The following TTLL9 variants were observed in gnomAD, a reference collection of about 807,000 sequenced individuals.
TTLL9 encodes the protein tubulin tyrosine ligase like 9, also known as probable tubulin polyglutamylase TTLL9.
Under a neutral mutation model 65.6 loss-of-function variants are expected in TTLL9, and 47 were observed. The observed-to-expected ratio is 0.72, with a 90% CI of 0.57 to 0.91. The LOEUF (loss-of-function observed/expected upper bound fraction) is 0.91. Among genes scored for constraint, TTLL9 ranks in the 40% least tolerant of loss-of-function variants. The pLI is 0.00. For synonymous variants in TTLL9, 179 were observed against 204.8 expected, an observed-to-expected ratio of 0.87 and a Z score of 1.07; for missense variants, 537 against 568.8, an observed-to-expected ratio of 0.94 and a Z score of 0.57.
rs185596096 is a variant in TTLL9, at chr20:31,916,952, G to A, written c.505-2912G>A. 2.0e-3 allele frequency among the ~76,000 whole-genome samples: 297 copies of A among 152,256 alleles called. 1 individual carries two copies. Among genetic ancestry groups the A allele is most frequent in the African/African-American group, 7.0e-3 (291 of 41,540 alleles). On this transcript the variant is annotated intron_variant, in intron 6 of 14. Transcript: ENST00000535842. ...GGAAAACCTACATCTGGTCTTTCTA[G>A]CCTCCCTCATGAGAGGTGGGCTTTG...
intron 6 of TTLL9, 57 bp downstream of exon 6, chr20:31,909,979 A>G (rs2063623428): frequency 6.4e-7 from 1 of 1,550,784 alleles, no homozygotes; most frequent in African/African-American, 1.4e-5. Context: ...GTGCCATAGC[A>G]GGGATCAGGT....
chr20:31,906,405 CTCACGG>C (rs1162795818), intron 4 of TTLL9, among the ~76,000 whole-genome samples: 8 of 152,216 alleles, frequency 5.3e-5, no homozygotes, highest in Non-Finnish European at 2.9e-5. Flanking sequence ...TCCTTGCGGC[CTCACGG>C]CCCCGCAGCC....
intron 5 of TTLL9, among the ~76,000 whole-genome samples, chr20:31,909,125 ATTTTTTTTTT>A (rs11476481): frequency 2.5e-5 from 2 of 79,382 alleles, no homozygotes; most frequent in African/African-American, 5.8e-5. Flanking sequence ...TGAAAGCATG[ATTTTTTTTTT>A]TTTTTTTTTT....
At chr20:31,873,817 GAAGGAAGAAAGAAAGA>G (rs1359128265) in intron 2 of TTLL9, among the ~76,000 whole-genome samples, 4,095 of 81,408 alleles carry the variant, frequency 0.05, 61 homozygotes, top group Non-Finnish European at 0.064. Context: ...AGGAAGGAAG[GAAGGAAGAAAGAAAGA>G]AAGAAAGAAA....
In TTLL9 at chr20:31,943,162, G is replaced by A. The variant is rs1416517367; in HGVS notation, c.*141G>A. Reference sequence around the variant, plus strand: ...CAGCTTTGCTGGCTTAGCAGCTGCAGCTTACTACCTGAATTGGGCCCCTTG... The same window carrying A: ...CAGCTTTGCTGGCTTAGCAGCTGCAACTTACTACCTGAATTGGGCCCCTTG... On this transcript the variant is annotated 3_prime_UTR_variant, in exon 15 of 15. Coordinates refer to ENST00000535842, the MANE Select transcript of TTLL9 (RefSeq NM_001008409.5). The A allele has an allele frequency of 1.9e-5, 15 of 771,924 alleles. No individual in the cohort carries two copies. The highest frequency in any genetic ancestry group is 3.1e-5 in the Non-Finnish European group (14 of 456,060). The allele number at this position is 771,924 out of a possible 1,614,324, so 47.8% of individuals were successfully genotyped here.
intron 11 of TTLL9, chr20:31,934,375 G>C: frequency 5.5e-6 from 3 of 549,718 alleles, no homozygotes; most frequent in Middle Eastern, 2.8e-4. Context: ...ATGGCAGCCT[G>C]TCGGTCACTC....
At chr20:31,907,728 G>GA (rs756500222) in intron 4 of TTLL9, among the ~76,000 whole-genome samples, 221 of 127,324 alleles carry the variant, frequency 1.7e-3, no homozygotes, top group South Asian at 6.3e-3. Flanking sequence ...CTCGAAAAAA[G>GA]AAAAAAAAAA....
chr20:31,898,445 AGCAAATGTTCATT>A lies in TTLL9; in HGVS notation c.114-25_114-13del, dbSNP rs2063418683. The stretch of plus-strand genomic sequence containing the variant: ...CATCCTAGGAAAATCATTGATCCTG[AGCAAATGTTCATT>A]GCCTTGTCTTGCAGAGAGCAGAGAG... On this transcript the variant is annotated splice_polypyrimidine_tract_variant and intron_variant, in intron 3 of 14. Transcript: ENST00000535842. 2 of 1,605,778 alleles carry A rather than the reference AGCAAATGTTCATT, an allele frequency of 1.2e-6. No homozygotes were observed.
At chr20:31,891,009 C>T (rs1187801117) in intron 3 of TTLL9, among the ~76,000 whole-genome samples, 3 of 152,190 alleles carry the variant, frequency 2.0e-5, no homozygotes, top group African/African-American at 7.2e-5. Flanking sequence ...AAAATATTAA[C>T]AATTACATAT....
chr20:31,939,010 G>T lies in TTLL9; in HGVS notation c.1119-132G>T, dbSNP rs1399211440. Reference sequence around the variant, plus strand: ...CATAGGCACCTGGGAAACAGCCAATGAATGGTTGGGAAAAAGGACTTCTGA... The same window carrying T: ...CATAGGCACCTGGGAAACAGCCAATTAATGGTTGGGAAAAAGGACTTCTGA... On this transcript the variant is annotated intron_variant, in intron 13 of 14. Transcript: ENST00000535842. The T allele has an allele frequency of 4.6e-6, 5 of 1,098,528 alleles. No individual in the cohort carries two copies. The Admixed American group carries it at 9.2e-5, about 20-fold the overall frequency. The allele number at this position is 1,098,528 out of a possible 1,614,324, so 68.0% of individuals were successfully genotyped here. A position where few individuals can be genotyped will look rare whatever the true frequency, so the allele number is the denominator to read the frequency against.
chr20:31,942,850 C>T (rs1568852527), intron 14 of TTLL9, 95 bp from the exon 15 acceptor site: 19 of 1,234,708 alleles, frequency 1.5e-5, no homozygotes, highest in Non-Finnish European at 2.1e-5. Flanking sequence ...GTCTGACTCC[C>T]GCTGTCCCCT....
At position 31,870,751 on chromosome 20, in the gene TTLL9, G is replaced by A; in HGVS notation, c.-204G>A. The A allele has an allele frequency of 2.0e-6, 1 of 493,314 alleles. No individual in the cohort carries two copies. The highest frequency in any genetic ancestry group is 5.3e-5 in the South Asian group (1 of 18,756). The allele number at this position is 493,314 out of a possible 1,614,324, so 30.6% of individuals were successfully genotyped here. On this transcript the variant is annotated 5_prime_UTR_variant, in exon 1 of 15. Transcript: ENST00000535842. This position sits in a 1 kb window ranked among gnomAD's most constrained non-coding sequence, Gnocchi z 6.6. ...CACCCTGGCACCGGCAGGCGCGGGC[G>A]GATGGGGGGATGTCGCCTAGAGCCC...
intron 10 of TTLL9, among the ~76,000 whole-genome samples, chr20:31,928,514 G>A (rs1445031209): frequency 6.6e-6 from 1 of 150,504 alleles, no homozygotes; most frequent in Non-Finnish European, 1.5e-5. Context: ...AATATATATA[G>A]TTTATACATA....
At chr20:31,902,977 C>T (rs916068409) in intron 4 of TTLL9, among the ~76,000 whole-genome samples, 4 of 152,176 alleles carry the variant, frequency 2.6e-5, no homozygotes, top group African/African-American at 7.2e-5. Flanking sequence ...GATCCACCCA[C>T]CTCAGCCTCC....
chr20:31,935,003 T>A, intron 12 of TTLL9, 115 bp downstream of exon 12: 1 of 1,015,566 alleles, frequency 9.8e-7, no homozygotes, highest in South Asian at 1.6e-5. Context: ...TGTGCACACT[T>A]ACATTTACTG....
chr20:31,932,496 A>G (rs1452378134), intron 10 of TTLL9, among the ~76,000 whole-genome samples: 1 of 151,684 alleles, frequency 6.6e-6, no homozygotes, highest in African/African-American at 2.4e-5. Context: ...GGTCTAAAGA[A>G]GACGTCTAGG....
intron 4 of TTLL9, among the ~76,000 whole-genome samples, chr20:31,900,739 G>C (rs1372515404): frequency 2.0e-5 from 3 of 152,162 alleles, no homozygotes; most frequent in African/African-American, 4.8e-5. Flanking sequence ...AAAGTGCTTG[G>C]GGGGAGTTGG....
In TTLL9 at chr20:31,908,577, C is replaced by A; in HGVS notation, c.207-14C>A. ...AGACCATGACCTTTATCCCCGCCCC[C>A]ACCCCACCCCCAGCGAAGGGGAGTG... On this transcript the variant is annotated splice_polypyrimidine_tract_variant and intron_variant, in intron 4 of 14. Coordinates refer to ENST00000535842, the MANE Select transcript of TTLL9 (RefSeq NM_001008409.5). 6.3e-7 allele frequency: 1 copy of A among 1,593,952 alleles called. No individual in the cohort carries two copies. The highest frequency in any genetic ancestry group is 8.6e-7 in the Non-Finnish European group (1 of 1,161,778).
At chr20:31,906,261 A>C (rs1240193843) in intron 4 of TTLL9, among the ~76,000 whole-genome samples, 1 of 152,098 alleles carries the variant, frequency 6.6e-6, no homozygotes, top group Non-Finnish European at 1.5e-5. Context: ...ATCAGCTGGG[A>C]AGAGTCCAGA....
Sources: gnomAD v4.1 joint callset for allele counts (sites outside exome capture counted in the v4.1 genomes callset) on GRCh38, gnomAD v4.1.1 for gene constraint, Gnocchi (gnomAD v3.1) non-coding constraint, MANE v1.5 for transcripts, NCBI Gene and HGNC (gene_info 2026-07-23, HGNC 2026-07-21) for gene names.